Variants in KCNG3 observed in about 807,000 individuals in gnomAD.
The protein encoded by KCNG3 is voltage-gated potassium channel regulatory subunit KCNG3.
A neutral mutation model predicts 29.0 loss-of-function variants in KCNG3; 15 were observed. The observed-to-expected ratio is 0.52, with a 90% confidence interval of 0.35 to 0.80. The LOEUF (loss-of-function observed/expected upper bound fraction) is 0.80, where lower values mean the gene tolerates loss of function less well. Among genes scored for constraint, KCNG3 ranks in the 30% least tolerant of loss-of-function variants. The pLI is 0.01. For synonymous variants in KCNG3, 322 were observed against 248.9 expected, an observed-to-expected ratio of 1.29 and a Z score of -2.76; for missense variants, 512 against 605.7, an observed-to-expected ratio of 0.85 and a Z score of 1.62.
intron 1 of KCNG3, among the ~76,000 whole-genome samples, chr2:42,452,923 A>G (rs1672798485): frequency 6.6e-6 from 1 of 152,200 alleles, no homozygotes; most frequent in African/African-American, 2.4e-5. Context: ...CTGGGACTAC[A>G]GGTGCATGCT....
the KCNG3 span, among the ~76,000 whole-genome samples, chr2:42,432,607 C>T: frequency 6.6e-6 from 1 of 152,150 alleles, no homozygotes; most frequent in African/African-American, 2.4e-5. Flanking sequence ...AGAGGTATTA[C>T]AATAAACCAA....
chr2:42,445,233 T>C (rs1407462961), intron 1 of KCNG3, among the ~76,000 whole-genome samples: 2 of 152,184 alleles, frequency 1.3e-5, no homozygotes, highest in African/African-American at 4.8e-5. Context: ...CAACATGAAA[T>C]TTAACTTACT....
chr2:42,407,980 T>TTC, the KCNG3 span, among the ~76,000 whole-genome samples: 1 of 152,198 alleles, frequency 6.6e-6, no homozygotes, highest in African/African-American at 2.4e-5. Flanking sequence ...ACTGCCTGAC[T>TTC]TCTCCCTGCT....
intron 1 of KCNG3, among the ~76,000 whole-genome samples, chr2:42,476,460 G>A (rs1673428328): frequency 6.6e-6 from 1 of 151,790 alleles, no homozygotes; most frequent in Non-Finnish European, 1.5e-5. Context: ...CTGGACAACA[G>A]AGTGAGATCC....
chr2:42,414,619 C>G, the KCNG3 span, among the ~76,000 whole-genome samples: 1 of 151,638 alleles, frequency 6.6e-6, no homozygotes, highest in African/African-American at 2.4e-5. Flanking sequence ...ACAATTTGTG[C>G]CCTTTTTAAA....
At chr2:42,466,699 G>T (rs1348805607) in intron 1 of KCNG3, among the ~76,000 whole-genome samples, 1 of 150,898 alleles carries the variant, frequency 6.6e-6, no homozygotes, top group African/African-American at 2.4e-5. Flanking sequence ...TGGTACAAAA[G>T]TTAATTGTGG....
chr2:42,390,222 T>C, the KCNG3 span, among the ~76,000 whole-genome samples: 1 of 152,226 alleles, frequency 6.6e-6, no homozygotes, highest in South Asian at 2.1e-4. Flanking sequence ...CTTATTTAGT[T>C]CATTCTTTTG....
At chr2:42,416,658 A>C in the KCNG3 span, among the ~76,000 whole-genome samples, 1 of 151,780 alleles carries the variant, frequency 6.6e-6, no homozygotes, top group Non-Finnish European at 1.5e-5. Context: ...TCTACTAAAA[A>C]TACAAAAAAA....
chr2:42,442,369 T>A lies in KCNG3; in HGVS notation c.*1565A>T, dbSNP rs983966755. 6.6e-6 allele frequency: 1 copy of A among 152,222 alleles called. No individual in the cohort carries two copies. The highest frequency in any genetic ancestry group is 1.9e-4 in the East Asian group (1 of 5,204). 9.4% of individuals were successfully genotyped at this position (152,222 alleles called of 1,614,324 possible). A position where few individuals can be genotyped will look rare whatever the true frequency, so the allele number is the denominator to read the frequency against. ...CCAGGCTTTTCTCAGAACCCAGAGATGTGTGAAGATTAACCTGCTGGGCTA... is the reference window on the plus strand; with the variant it reads ...CCAGGCTTTTCTCAGAACCCAGAGAAGTGTGAAGATTAACCTGCTGGGCTA... On this transcript the variant is annotated 3_prime_UTR_variant, in exon 2 of 2. Transcript: ENST00000306078.
chr2:42,392,281 C>G, the KCNG3 span, among the ~76,000 whole-genome samples: 2 of 152,078 alleles, frequency 1.3e-5, no homozygotes, highest in Non-Finnish European at 2.9e-5. Flanking sequence ...CCTGCCCTGC[C>G]AGGTCACCTG....
At chr2:42,438,597 C>T (rs1672416448), downstream of KCNG3, among the ~76,000 whole-genome samples, 1 of 152,136 alleles carries the variant, frequency 6.6e-6, no homozygotes, top group South Asian at 2.1e-4. Context: ...GTTTAAATTA[C>T]AGCATAAATG....
the KCNG3 span, among the ~76,000 whole-genome samples, chr2:42,429,795 G>C: frequency 1.3e-5 from 2 of 152,158 alleles, no homozygotes; most frequent in African/African-American, 4.8e-5. Context: ...AGTATGAAGA[G>C]AATCAACCAG....
intron 1 of KCNG3, among the ~76,000 whole-genome samples, chr2:42,467,693 T>C (rs1005505146): frequency 3.0e-5 from 4 of 133,910 alleles, no homozygotes; most frequent in African/African-American, 1.1e-4. Flanking sequence ...ATTAGAACCA[T>C]GTGTGATGGC....
intron 1 of KCNG3, among the ~76,000 whole-genome samples, chr2:42,451,463 G>A (rs557189955): frequency 3.3e-5 from 5 of 151,946 alleles, no homozygotes; most frequent in African/African-American, 7.2e-5. Flanking sequence ...AGTGGCTCAC[G>A]CCTGTAATCC....
chr2:42,472,631 T>G (rs1312313126), intron 1 of KCNG3, among the ~76,000 whole-genome samples: 1 of 151,648 alleles, frequency 6.6e-6, no homozygotes, highest in African/African-American at 2.4e-5. Context: ...CCCCAGTAGC[T>G]GGGACTACAG....
rs551106430 is a variant in KCNG3, at chr2:42,445,527, C to T, written c.666-948G>A. ...AAAAAGGTCCCAGCAGAAACGAGGC[C>T]GAGGACTCCCACATTGGAGCAAAAT... On this transcript the variant is annotated intron_variant, in intron 1 of 1. Coordinates refer to ENST00000306078, the MANE Select transcript of KCNG3 (RefSeq NM_133329.6). Among the ~76,000 whole-genome samples, 6 of 152,246 alleles carry T rather than the reference C, an allele frequency of 3.9e-5. No homozygotes were observed. The East Asian group carries it at 9.6e-4, about 24-fold the overall frequency.
At chr2:42,411,001 C>T in the KCNG3 span, among the ~76,000 whole-genome samples, 1 of 152,138 alleles carries the variant, frequency 6.6e-6, no homozygotes, top group Non-Finnish European at 1.5e-5. Flanking sequence ...ATTGCTTTTT[C>T]CAGATAACTT....
intron 1 of KCNG3, among the ~76,000 whole-genome samples, chr2:42,451,082 G>A (rs1478311310): frequency 6.6e-6 from 1 of 151,208 alleles, no homozygotes; most frequent in Non-Finnish European, 1.5e-5. Context: ...GCAGGCGCCT[G>A]TAATCCCAGC....
the KCNG3 span, among the ~76,000 whole-genome samples, chr2:42,390,409 T>G: frequency 0.29 from 43,877 of 152,098 alleles, 6,591 homozygotes; most frequent in South Asian, 0.41. Flanking sequence ...AAAGATTGGC[T>G]TCATTTTCCG....
Sources: allele counts gnomAD v4.1 joint callset (sites outside exome capture counted in the v4.1 genomes callset), GRCh38; gene constraint gnomAD v4.1.1; transcripts MANE v1.5; gene names NCBI Gene and HGNC (gene_info 2026-07-23, HGNC 2026-07-21).